Variants in SNTG1 observed in about 807,000 individuals in gnomAD.
The protein encoded by SNTG1 is gamma-1-syntrophin.
Under a neutral mutation model 74.7 loss-of-function variants are expected in SNTG1, and 39 were observed. The observed-to-expected ratio is 0.52, with a 90% CI of 0.40 to 0.68. SNTG1 has a LOEUF of 0.68. Ranked by LOEUF, SNTG1 falls within the 30% of genes least tolerant of loss-of-function variation. The probability of loss-of-function intolerance (pLI) is 0.00; values close to 1 mark genes in which losing one functional copy is unlikely to be tolerated. For synonymous variants in SNTG1, 254 were observed against 217.1 expected (o/e 1.17, Z -1.49); for missense variants, 685 against 609.5 (o/e 1.12, Z -1.30).
intron 17 of SNTG1, among the ~76,000 whole-genome samples, chr8:50,747,622 G>C (rs2095558071): frequency 6.6e-6 from 1 of 151,998 alleles, no homozygotes; most frequent in South Asian, 2.1e-4. Flanking sequence ...TTTTACCTCT[G>C]TTACTTTAAT....
chr8:50,094,321 A>G (rs1005624904), intron 1 of SNTG1, among the ~76,000 whole-genome samples: 11 of 152,172 alleles, frequency 7.2e-5, no homozygotes, highest in African/African-American at 2.4e-4. Flanking sequence ...AAGCAAATTT[A>G]CTGTTTATAA....
At chr8:49,945,056 T>G (rs1230165347) in intron 1 of SNTG1, among the ~76,000 whole-genome samples, 1 of 152,188 alleles carries the variant, frequency 6.6e-6, no homozygotes, top group African/African-American at 2.4e-5. Flanking sequence ...TTAATGTATT[T>G]GGTATTGTTT....
At chr8:49,958,327 G>T (rs945917310) in intron 1 of SNTG1, among the ~76,000 whole-genome samples, 2 of 152,202 alleles carry the variant, frequency 1.3e-5, no homozygotes, top group African/African-American at 4.8e-5. Context: ...AAAATAGGGA[G>T]TGAAAGGACA....
At chr8:50,593,340 G>A (rs529860060) in intron 13 of SNTG1, among the ~76,000 whole-genome samples, 70 of 152,222 alleles carry the variant, frequency 4.6e-4, no homozygotes, top group African/African-American at 1.6e-3. Context: ...GTCTGAAGAA[G>A]AGAGTTGGGC....
At chr8:50,352,572 G>A (rs1415106567) in intron 2 of SNTG1, among the ~76,000 whole-genome samples, 1 of 151,934 alleles carries the variant, frequency 6.6e-6, no homozygotes, top group East Asian at 1.9e-4. Context: ...TTTATATTTA[G>A]TAGAGGCGGG....
intron 1 of SNTG1, chr8:50,163,488 T>C (rs939345973): frequency 2.0e-5 from 3 of 150,972 alleles, no homozygotes; most frequent in Non-Finnish European, 3.0e-5. Context: ...TTTCTTTTTT[T>C]TTTTTTTTAG....
chr8:49,961,047 C>T (rs889147598), intron 1 of SNTG1, among the ~76,000 whole-genome samples: 1 of 152,136 alleles, frequency 6.6e-6, no homozygotes, highest in African/African-American at 2.4e-5. Context: ...CTTCCAGAAT[C>T]CTAGATGCTG....
At chr8:50,166,895 G>A (rs1397780016) in intron 1 of SNTG1, among the ~76,000 whole-genome samples, 1 of 151,110 alleles carries the variant, frequency 6.6e-6, no homozygotes, top group Middle Eastern at 3.2e-3. Context: ...TTGATAGACT[G>A]GATTAAGAAA....
At chr8:50,363,117 A>G (rs1038528959) in intron 2 of SNTG1, among the ~76,000 whole-genome samples, 1 of 152,102 alleles carries the variant, frequency 6.6e-6, no homozygotes, top group Non-Finnish European at 1.5e-5. Context: ...TTTCAACCCC[A>G]GTGGTAAAGC....
At chr8:50,079,759 C>T (rs1225143605) in intron 1 of SNTG1, among the ~76,000 whole-genome samples, 1 of 152,078 alleles carries the variant, frequency 6.6e-6, no homozygotes, top group Non-Finnish European at 1.5e-5. Context: ...AGAAAGGGGT[C>T]CAGTTTCTGT....
At chr8:50,015,368 A>T (rs1816215853) in intron 1 of SNTG1, among the ~76,000 whole-genome samples, 1 of 152,024 alleles carries the variant, frequency 6.6e-6, no homozygotes, top group African/African-American at 2.4e-5. Context: ...TGGAAAAACA[A>T]TGAAGAAACA....
chr8:49,951,248 C>T (rs974416973), intron 1 of SNTG1, among the ~76,000 whole-genome samples: 1 of 152,152 alleles, frequency 6.6e-6, no homozygotes, highest in Non-Finnish European at 1.5e-5. Flanking sequence ...AATATTTTAT[C>T]TGTGAAAAGG....
At chr8:50,369,267 T>C (rs1389818221) in intron 2 of SNTG1, among the ~76,000 whole-genome samples, 1 of 152,168 alleles carries the variant, frequency 6.6e-6, no homozygotes, top group Non-Finnish European at 1.5e-5. Context: ...GCCATAAGAA[T>C]AGCATCTTCA....
intron 1 of SNTG1, among the ~76,000 whole-genome samples, chr8:49,965,473 T>C (rs1281009094): frequency 6.6e-6 from 1 of 152,208 alleles, no homozygotes; most frequent in Non-Finnish European, 1.5e-5. Flanking sequence ...TTACTCACCT[T>C]AACAAACAGA....
chr8:50,244,047 C>T (rs548735243), intron 2 of SNTG1, among the ~76,000 whole-genome samples: 1 of 152,144 alleles, frequency 6.6e-6, no homozygotes. Context: ...GCTATATGAG[C>T]ATGTTGCTGG....
At chr8:50,254,127 G>C (rs923314922) in intron 2 of SNTG1, among the ~76,000 whole-genome samples, 1 of 152,110 alleles carries the variant, frequency 6.6e-6, no homozygotes, top group African/African-American at 2.4e-5. Flanking sequence ...ATTATACAAT[G>C]TATATATGTA....
At chr8:50,595,677 T>A (rs908267086) in intron 13 of SNTG1, among the ~76,000 whole-genome samples, 1 of 152,020 alleles carries the variant, frequency 6.6e-6, no homozygotes, top group Non-Finnish European at 1.5e-5. Context: ...TGTAGCAAAA[T>A]TGTCTTGTTT....
At chr8:50,369,800 G>A (rs1343717628) in intron 2 of SNTG1, among the ~76,000 whole-genome samples, 1 of 152,036 alleles carries the variant, frequency 6.6e-6, no homozygotes, top group East Asian at 1.9e-4. Flanking sequence ...CCCAGTTTAT[G>A]GTATTTATTA....
intron 2 of SNTG1, among the ~76,000 whole-genome samples, chr8:50,207,635 C>T (rs1408921778): frequency 1.3e-5 from 2 of 152,092 alleles, no homozygotes; most frequent in Non-Finnish European, 2.9e-5. Context: ...TCTTGCTTCT[C>T]TAGTTCTTTT....
Sources: allele counts gnomAD v4.1 joint callset (sites outside exome capture counted in the v4.1 genomes callset), GRCh38; gene constraint gnomAD v4.1.1; transcripts MANE v1.5; gene names NCBI Gene and HGNC (gene_info 2026-07-23, HGNC 2026-07-21).